Variants in SNX3 observed in about 807,000 individuals in gnomAD.
SNX3 encodes the protein sorting nexin-3.
Under a neutral mutation model 17.7 loss-of-function variants are expected in SNX3, and 5 were observed. The ratio of observed to expected loss-of-function variants is 0.28; its 90% CI spans 0.15 to 0.59. The LOEUF is 0.59. SNX3 is among the 20% of genes least tolerant of loss of function. SNX3 has a pLI of 0.88. For missense variants in SNX3, 132 were observed against 206.8 expected (o/e 0.64, Z 2.22); for synonymous variants, 91 against 76.5 (o/e 1.19, Z -0.99).
chr6:108,222,311 T>C, intron 2 of SNX3: 3 of 1,303,946 alleles, frequency 2.3e-6, no homozygotes, highest in Non-Finnish European at 3.0e-6. Flanking sequence ...GATGTCATTC[T>C]GAGGCAGGGC....
At chr6:108,221,063 TG>T (rs1328784466) in intron 2 of SNX3, among the ~76,000 whole-genome samples, 2 of 152,202 alleles carry the variant, frequency 1.3e-5, no homozygotes, top group Non-Finnish European at 2.9e-5. Context: ...GAGCTTTTTC[TG>T]ATTCTAAAGC....
Position 108,211,955 on chromosome 6 carries a change from C to T in SNX3, c.*194G>A, listed in dbSNP as rs978311576. Reference sequence around the variant, plus strand: ...AGAAAGAGCTATTTATATAGAAAGGCTGGAATGAGGGATTTTTACTAAAGC... The same window carrying T: ...AGAAAGAGCTATTTATATAGAAAGGTTGGAATGAGGGATTTTTACTAAAGC... On this transcript the variant is annotated 3_prime_UTR_variant, in exon 4 of 4. Transcript: ENST00000230085. 2.1e-6 allele frequency: 1 copy of T among 487,408 alleles called. No individual in the cohort carries two copies. Among genetic ancestry groups the T allele is most frequent in the African/African-American group, 2.0e-5 (1 of 49,652 alleles). The allele number at this position is 487,408 out of a possible 1,614,324, so 30.2% of individuals were successfully genotyped here. A position where few individuals can be genotyped will look rare whatever the true frequency, so the allele number is the denominator to read the frequency against.
At chr6:108,212,526 C>T (rs532879907) in intron 3 of SNX3, among the ~76,000 whole-genome samples, 6 of 151,980 alleles carry the variant, frequency 3.9e-5, no homozygotes, top group Admixed American at 2.6e-4. Context: ...TTACTAGAGA[C>T]GGGGTTTCAC....
chr6:108,245,961 A>G (rs755667701), intron 1 of SNX3, among the ~76,000 whole-genome samples: 17 of 152,142 alleles, frequency 1.1e-4, no homozygotes, highest in Non-Finnish European at 2.2e-4. Context: ...CCATTTGTCA[A>G]TTTTGGCTTT....
Position 108,260,850 on chromosome 6 carries a change from G to A in SNX3, c.72C>T (p.Pro24=), listed in dbSNP as rs750399984. Reference sequence around the variant, plus strand: ...CATCGATCTCGAGGAAGTTGCTGGGGGGTCCGTAGGCGTCATTCAGGTTCT... The same window carrying A: ...CATCGATCTCGAGGAAGTTGCTGGGAGGTCCGTAGGCGTCATTCAGGTTCT... ...KPQNLNDAYG[P]PSNFLEIDVS... Residue 24 remains proline (P), a synonymous_variant, in exon 1 of 4, where the codon CCC becomes CCT. Coordinates refer to ENST00000230085, the MANE Select transcript of SNX3 (RefSeq NM_003795.6). 5 of 1,613,482 alleles carry A rather than the reference G, an allele frequency of 3.1e-6. No homozygotes were observed. Among genetic ancestry groups the A allele is most frequent in the Non-Finnish European group, 4.2e-6 (5 of 1,179,658 alleles).
chr6:108,257,346 T>A (rs1027071576), intron 1 of SNX3, among the ~76,000 whole-genome samples: 1 of 151,942 alleles, frequency 6.6e-6, no homozygotes, highest in Non-Finnish European at 1.5e-5. Context: ...ATAGCAAGTC[T>A]CATCTGACAA....
intron 1 of SNX3, among the ~76,000 whole-genome samples, chr6:108,230,838 T>C (rs558367138): frequency 4.3e-4 from 66 of 152,320 alleles, no homozygotes; most frequent in Admixed American, 7.8e-4. Flanking sequence ...AAAAGTTAAG[T>C]TGGTTTCCTG....
chr6:108,214,445 T>C, intron 3 of SNX3, 53 bp downstream of exon 3: 1 of 1,576,296 alleles, frequency 6.3e-7, no homozygotes, highest in Non-Finnish European at 8.6e-7. Flanking sequence ...ACATCTAAAC[T>C]ACAAGTAGTC....
chr6:108,247,964 T>C (rs1158916483), intron 1 of SNX3, among the ~76,000 whole-genome samples: 2 of 151,946 alleles, frequency 1.3e-5, no homozygotes, highest in African/African-American at 4.8e-5. Flanking sequence ...AAAATAACAA[T>C]TTTAAAACCA....
At position 108,211,292 on chromosome 6, in the gene SNX3, A is replaced by C. The variant is rs1168336456; in HGVS notation, c.*857T>G. 2 of 152,256 alleles carry C rather than the reference A, an allele frequency of 1.3e-5. No homozygotes were observed. The highest frequency in any genetic ancestry group is 4.8e-5 in the African/African-American group (2 of 41,480). 9.4% of individuals were successfully genotyped at this position (152,256 alleles called of 1,614,324 possible). On this transcript the variant is annotated 3_prime_UTR_variant, in exon 4 of 4. Transcript: ENST00000230085. ...TTTCAAATACACAAAGTGCTTCAAA[A>C]TGATTCAATAAGCCTTAAGCAATAC...
intron 3 of SNX3, 90 bp from the exon 4 acceptor site, chr6:108,212,344 A>AT (rs943800071): frequency 0.07 from 46,625 of 661,462 alleles, 7 homozygotes; most frequent in East Asian, 0.092. Flanking sequence ...AGCATGTATA[A>AT]TTTTTTTTTT....
intron 1 of SNX3, among the ~76,000 whole-genome samples, chr6:108,232,443 G>T (rs780390322): frequency 6.6e-6 from 1 of 152,042 alleles, no homozygotes; most frequent in Non-Finnish European, 1.5e-5. Flanking sequence ...AAAAAGGTAG[G>T]TCTTATACAC....
At chr6:108,223,701 T>C (rs947297058) in intron 1 of SNX3, among the ~76,000 whole-genome samples, 9 of 151,788 alleles carry the variant, frequency 5.9e-5, no homozygotes, top group Non-Finnish European at 1.2e-4. Context: ...GGTTTCACCA[T>C]GTTGGCCAGG....
At chr6:108,216,282 G>A (rs1405099590) in intron 2 of SNX3, among the ~76,000 whole-genome samples, 1 of 152,154 alleles carries the variant, frequency 6.6e-6, no homozygotes, top group Non-Finnish European at 1.5e-5. Flanking sequence ...GTTTCACTGT[G>A]TTGGCCAGGC....
rs987333856 is a variant in SNX3 at position 108,260,987 on chromosome 6, G to T, written c.-66C>A. 3.6e-6 allele frequency: 5 copies of T among 1,384,042 alleles called. No individual in the cohort carries two copies. In the East Asian group the frequency reaches 1.5e-4, roughly 41 times the overall value. 85.7% of individuals were successfully genotyped at this position (1,384,042 alleles called of 1,614,324 possible). ...CCCTCCGCGTTCAGCCGCCGCCGCC[G>T]CCGCTGCTGCCCGCCGTGGGGACAC... On this transcript the variant is annotated 5_prime_UTR_variant, in exon 1 of 4. Coordinates refer to ENST00000230085, the MANE Select transcript of SNX3 (RefSeq NM_003795.6).
At chr6:108,255,377 T>A (rs1466157199) in intron 1 of SNX3, among the ~76,000 whole-genome samples, 2 of 152,058 alleles carry the variant, frequency 1.3e-5, no homozygotes, top group East Asian at 3.9e-4. Context: ...AGAGGCAGGG[T>A]CTCACTGTGT....
At chr6:108,225,842 G>C (rs910826174) in intron 1 of SNX3, among the ~76,000 whole-genome samples, 1 of 151,700 alleles carries the variant, frequency 6.6e-6, no homozygotes, top group African/African-American at 2.4e-5. Context: ...TACCAGCCTG[G>C]GAAACATAAG....
At chr6:108,240,359 C>T (rs1775478595) in intron 1 of SNX3, among the ~76,000 whole-genome samples, 1 of 152,152 alleles carries the variant, frequency 6.6e-6, no homozygotes, top group African/African-American at 2.4e-5. Flanking sequence ...GCTGGGATTA[C>T]CGGCACCCAC....
At chr6:108,248,552 T>C (rs958336897) in intron 1 of SNX3, among the ~76,000 whole-genome samples, 21 of 152,308 alleles carry the variant, frequency 1.4e-4, no homozygotes, top group African/African-American at 4.8e-4. Flanking sequence ...ATTGATCGGA[T>C]GTTTTGAGGG....
Sources: allele counts gnomAD v4.1 joint callset (sites outside exome capture counted in the v4.1 genomes callset), GRCh38; gene constraint gnomAD v4.1.1; transcripts MANE v1.5; gene names NCBI Gene and HGNC (gene_info 2026-07-23, HGNC 2026-07-21).